The following ZNF251 variants were observed in gnomAD, a reference collection of about 807,000 sequenced individuals.
ZNF251 encodes zinc finger protein 251.
A neutral mutation model predicts 13.5 loss-of-function variants in ZNF251; 14 were observed. That is an observed-to-expected ratio of 1.04 (90% confidence interval 0.69 to 1.63). ZNF251 has a LOEUF of 1.63. ZNF251 is among the 40% of genes most tolerant of loss of function. The pLI is 0.00. For synonymous variants in ZNF251, 287 were observed against 295.2 expected, an observed-to-expected ratio of 0.97 and a Z score of 0.28; for missense variants, 764 against 834.9, an observed-to-expected ratio of 0.92 and a Z score of 1.05.
intron 4 of ZNF251, among the ~76,000 whole-genome samples, chr8:144,751,100 C>T (rs887851458): frequency 6.6e-6 from 1 of 152,050 alleles, no homozygotes; most frequent in Non-Finnish European, 1.5e-5. Context: ...CCACCTGCCT[C>T]GGCCTCCCAA....
chr8:144,747,889 G>A (rs1235154385), intron 4 of ZNF251, among the ~76,000 whole-genome samples: 1 of 151,990 alleles, frequency 6.6e-6, no homozygotes, highest in East Asian at 1.9e-4. Context: ...TGGGATTACA[G>A]GCGTGAGCCA....
At chr8:144,740,190 C>A (rs969613339) in intron 4 of ZNF251, among the ~76,000 whole-genome samples, 1 of 152,100 alleles carries the variant, frequency 6.6e-6, no homozygotes, top group Non-Finnish European at 1.5e-5. Context: ...GAGGCTGAGG[C>A]AGGAGAATGG....
At chr8:144,740,948 A>T (rs1824133111) in intron 4 of ZNF251, among the ~76,000 whole-genome samples, 1 of 150,482 alleles carries the variant, frequency 6.6e-6, no homozygotes, top group African/African-American at 2.5e-5. Flanking sequence ...AACAAAAAAA[A>T]AGAAACAAAA....
Position 144,723,359 on chromosome 8 carries a change from C to A in ZNF251, c.301G>T (p.Glu101Ter). The A allele has an allele frequency of 6.7e-7, 1 of 1,501,526 alleles. No homozygotes were observed. The allele number at this position is 1,501,526 out of a possible 1,614,324, so 93.0% of individuals were successfully genotyped here. The change falls in exon 5 of 5, where the codon GAA (glutamate) becomes TAA (stop). Residue 101 changes from glutamate (E) to a stop codon, truncating the protein, a stop_gained. Coordinates refer to ENST00000292562, the MANE Select transcript of ZNF251 (RefSeq NM_138367.2). LOFTEE classifies it low-confidence loss of function (END_TRUNC). Reference protein sequence around the residue: ...QKDSEVGTKKELSILNQKFSE... With the variant: ...QKDSEVGTKK The stretch of plus-strand genomic sequence containing the variant: ...AATTTTTGGTTTAAAATAGATAGTT[C>A]CTTCTTGGTCCCAACCTCAGAATCT...
intron 4 of ZNF251, among the ~76,000 whole-genome samples, chr8:144,725,517 C>A (rs1823495112): frequency 6.6e-6 from 1 of 152,088 alleles, no homozygotes; most frequent in East Asian, 1.9e-4. Flanking sequence ...GTCTCCAACT[C>A]CTGACCTCAA....
At chr8:144,731,754 T>C (rs1184278298) in intron 4 of ZNF251, among the ~76,000 whole-genome samples, 5 of 151,444 alleles carry the variant, frequency 3.3e-5, no homozygotes, top group African/African-American at 1.2e-4. Flanking sequence ...GCCCTGCTGA[T>C]TTTTTGTATT....
intron 1 of ZNF251, chr8:144,755,014 AG>A: frequency 7.2e-7 from 1 of 1,384,476 alleles, no homozygotes; most frequent in Non-Finnish European, 9.3e-7. Context: ...CGCCCGGCTA[AG>A]GGGTGAAAGC....
At position 144,722,531 on chromosome 8, in the gene ZNF251, G is replaced by T. The variant is rs1029323946; in HGVS notation, c.1129C>A (p.His377Asn). The change falls in exon 5 of 5, where the codon CAT becomes AAT. Residue 377 changes from histidine (H) to asparagine (N), a missense_variant. Transcript: ENST00000292562. This position sits in a 1 kb window ranked among gnomAD's most constrained non-coding sequence, Gnocchi z 4.8. ...HERIHTGEKPHKCNQCGKAFS... is the reference protein window; with the variant it reads ...HERIHTGEKPNKCNQCGKAFS... Reference sequence around the variant, plus strand: ...GCCTTCCCACACTGATTGCATTTATGGGGCTTCTCTCCAGTGTGAATTCTC... The same window carrying T: ...GCCTTCCCACACTGATTGCATTTATTGGGCTTCTCTCCAGTGTGAATTCTC... 6.4e-5 allele frequency: 103 copies of T among 1,611,174 alleles called. No homozygotes were observed. Among genetic ancestry groups the T allele is most frequent in the Non-Finnish European group, 8.7e-5 (102 of 1,179,066 alleles).
chr8:144,746,067 T>C (rs1824414668), intron 4 of ZNF251, among the ~76,000 whole-genome samples: 2 of 152,256 alleles, frequency 1.3e-5, no homozygotes, highest in South Asian at 4.1e-4. Context: ...ATGTAAATAA[T>C]GTGTTTTTAA....
rs1462324245 is a variant in ZNF251 at position 144,753,750 on chromosome 8, C to T, written c.210G>A (p.Gly70=). ...KPELISQLEQ[G]KELWVLNLLG... ...GAAGATTCAGGACCCAAAGTTCCTT[C>T]CCCTGCTCCAGCTGGGAGATCAACT... The change falls in exon 4 of 5, where the codon GGG becomes GGA. Residue 70 remains glycine, a synonymous_variant. Transcript: ENST00000292562. The T allele has an allele frequency of 1.3e-6, 2 of 1,598,742 alleles. No homozygotes were observed. The highest frequency in any genetic ancestry group is 2.7e-5 in the African/African-American group (2 of 74,798).
intron 4 of ZNF251, among the ~76,000 whole-genome samples, chr8:144,742,809 C>A (rs1824226701): frequency 1.3e-5 from 2 of 152,148 alleles, no homozygotes; most frequent in African/African-American, 4.8e-5. Flanking sequence ...CCGAGACCCC[C>A]ACGTATACCC....
chr8:144,730,042 C>T, intron 4 of ZNF251: 3 of 985,452 alleles, frequency 3.0e-6, no homozygotes, highest in Non-Finnish European at 3.6e-6. Context: ...AACTCGAGGC[C>T]GCTCACTCAC....
At chr8:144,753,116 A>C (rs558128703) in intron 4 of ZNF251, among the ~76,000 whole-genome samples, 2 of 147,086 alleles carry the variant, frequency 1.4e-5, no homozygotes, top group African/African-American at 5.1e-5. Flanking sequence ...CAACAAAAAT[A>C]AAAAAAAAAC....
chr8:144,742,202 G>C (rs1824193770), intron 4 of ZNF251, among the ~76,000 whole-genome samples: 1 of 151,562 alleles, frequency 6.6e-6, no homozygotes, highest in Non-Finnish European at 1.5e-5. Context: ...TTAAAGTGCT[G>C]AATGGGAAAA....
rs539713319 is a variant in ZNF251 at position 144,730,221 on chromosome 8, G to A, written c.278-6839C>T. 1.0e-5 allele frequency: 6 copies of A among 595,236 alleles called. No homozygotes were observed. In the South Asian group the frequency reaches 4.4e-4, roughly 44 times the overall value. The allele number at this position is 595,236 out of a possible 1,614,324, so 36.9% of individuals were successfully genotyped here. A position where few individuals can be genotyped will look rare whatever the true frequency, so the allele number is the denominator to read the frequency against. On this transcript the variant is annotated intron_variant, in intron 4 of 4. Transcript: ENST00000292562. The stretch of plus-strand genomic sequence containing the variant: ...CGCGGGGCCCAGAGCGCCAATCCCT[G>A]GACTGAAAGAGCAGCAAGGGTGGGC...
chr8:144,745,795 T>G (rs960422622), intron 4 of ZNF251, among the ~76,000 whole-genome samples: 4 of 152,062 alleles, frequency 2.6e-5, no homozygotes, highest in African/African-American at 9.7e-5. Flanking sequence ...GCGATCCTCC[T>G]GCCTTAGCCT....
chr8:144,735,616 G>C (rs1039136173), intron 4 of ZNF251, among the ~76,000 whole-genome samples: 10 of 152,030 alleles, frequency 6.6e-5, no homozygotes, highest in African/African-American at 2.4e-4. Context: ...AAGCCTCACC[G>C]GGTGGGAAGG....
chr8:144,751,898 T>C (rs1487173600), intron 4 of ZNF251, among the ~76,000 whole-genome samples: 1 of 152,114 alleles, frequency 6.6e-6, no homozygotes, highest in East Asian at 1.9e-4. Flanking sequence ...ATAAGAAGGA[T>C]GGAATTGCTA....
chr8:144,725,282 T>C (rs1823485440), intron 4 of ZNF251, among the ~76,000 whole-genome samples: 1 of 152,260 alleles, frequency 6.6e-6, no homozygotes, highest in Admixed American at 6.5e-5. Flanking sequence ...CCCAAAGTGC[T>C]GGGATTACGG....
Sources: allele counts gnomAD v4.1 joint callset (sites outside exome capture counted in the v4.1 genomes callset), GRCh38; gene constraint gnomAD v4.1.1; non-coding constraint Gnocchi (gnomAD v3.1); transcripts MANE v1.5; gene names NCBI Gene and HGNC (gene_info 2026-07-23, HGNC 2026-07-21).